The following ZBTB41 variants were observed in gnomAD, a reference collection of about 807,000 sequenced individuals.
ZBTB41 encodes the protein zinc finger and BTB domain containing 41, also known as zinc finger and BTB domain-containing protein 41.
In ZBTB41, 42 loss-of-function variants were observed where a neutral mutation model predicts 87.6. The observed-to-expected ratio is 0.48, with a 90% CI of 0.37 to 0.62. The LOEUF is 0.62. Among genes scored for constraint, ZBTB41 ranks in the 20% least tolerant of loss-of-function variants. ZBTB41 has a pLI of 0.00. For missense variants in ZBTB41, 799 were observed against 1,078.9 expected, an observed-to-expected ratio of 0.74 and a Z score of 3.63; for synonymous variants, 364 against 364.0, an observed-to-expected ratio of 1.00 and a Z score of 0.00.
Position 197,154,037 on chromosome 1 carries a change from A to C in ZBTB41, c.*5322T>G, listed in dbSNP as rs571203631. ...TTACTACACAATGTGGAACAGCTAAATGCCCAGTTTTGTATTATTTTCTGG... is the reference window on the plus strand; with the variant it reads ...TTACTACACAATGTGGAACAGCTAACTGCCCAGTTTTGTATTATTTTCTGG... On this transcript the variant is annotated 3_prime_UTR_variant, in exon 11 of 11. Coordinates refer to ENST00000367405, the MANE Select transcript of ZBTB41 (RefSeq NM_194314.3). 1 of 152,688 alleles carries C rather than the reference A, an allele frequency of 6.5e-6. No individual in the cohort carries two copies. Among genetic ancestry groups the C allele is most frequent in the South Asian group, 2.1e-4 (1 of 4,822 alleles). 9.5% of individuals were successfully genotyped at this position (152,688 alleles called of 1,614,324 possible). A position where few individuals can be genotyped will look rare whatever the true frequency, so the allele number is the denominator to read the frequency against.
chr1:197,194,003 T>G (rs1285033394), intron 2 of ZBTB41, among the ~76,000 whole-genome samples: 1 of 152,094 alleles, frequency 6.6e-6, no homozygotes, highest in Non-Finnish European at 1.5e-5. Flanking sequence ...AACCTCCTAA[T>G]GCTTAAATCT....
intron 4 of ZBTB41, among the ~76,000 whole-genome samples, chr1:197,188,690 T>C (rs905801682): frequency 1.3e-5 from 2 of 152,192 alleles, no homozygotes; most frequent in Non-Finnish European, 2.9e-5. Flanking sequence ...TACAGAATAA[T>C]CATACTATCT....
At chr1:197,188,207 A>G (rs1423434643) in intron 5 of ZBTB41, 85 bp downstream of exon 5, 1 of 1,474,764 alleles carries the variant, frequency 6.8e-7, no homozygotes, top group African/African-American at 1.4e-5. Context: ...GAAGAAAAAG[A>G]GTAATTCAGC....
At chr1:197,185,592 C>CA (rs796880990) in intron 5 of ZBTB41, among the ~76,000 whole-genome samples, 1,883 of 138,316 alleles carry the variant, frequency 0.014, 25 homozygotes, top group African/African-American at 0.033. Flanking sequence ...CATTTGTCAC[C>CA]AAAAAAAAAA....
In ZBTB41 at chr1:197,155,545, T is replaced by C. The variant is rs1659045315; in HGVS notation, c.*3814A>G. ...ACATTTCATCACTGATATATGAGAG[T>C]GATATGGTAGGAAGAAAACTCAAGC... On this transcript the variant is annotated 3_prime_UTR_variant, in exon 11 of 11. Transcript: ENST00000367405. 1 of 152,098 alleles carries C rather than the reference T, an allele frequency of 6.6e-6. No homozygotes were observed. The highest frequency in any genetic ancestry group is 1.5e-5 in the Non-Finnish European group (1 of 67,764). The allele number at this position is 152,098 out of a possible 1,614,324, so 9.4% of individuals were successfully genotyped here.
At chr1:197,193,219 A>G (rs1041008018) in intron 2 of ZBTB41, among the ~76,000 whole-genome samples, 13 of 152,118 alleles carry the variant, frequency 8.5e-5, no homozygotes, top group Non-Finnish European at 1.9e-4. Flanking sequence ...AAATACGTTA[A>G]CAAATACACA....
Position 197,200,370 on chromosome 1 carries a change from G to A in ZBTB41, c.104C>T (p.Thr35Ile). The A allele has an allele frequency of 6.2e-7, 1 of 1,614,106 alleles. No homozygotes were observed. Residue 35 changes from threonine to isoleucine, a missense_variant, in exon 2 of 11, where the codon ACC becomes ATC. Transcript: ENST00000367405. ...TGGTCTTCCTGCAGAATGAGTATAG[G>A]TCACTTGGTCACACTCCACTGCAAC... Reference protein sequence around the residue: ...GNVAVECDQVTYTHSAGRPTP... With the variant: ...GNVAVECDQVIYTHSAGRPTP...
intron 2 of ZBTB41, among the ~76,000 whole-genome samples, chr1:197,197,259 A>C (rs1418531357): frequency 6.6e-6 from 1 of 151,996 alleles, no homozygotes; most frequent in Non-Finnish European, 1.5e-5. Context: ...ACAGGATTCC[A>C]AAAAAACCAA....
In ZBTB41 at chr1:197,200,345, T is replaced by C. The variant is rs758860660; in HGVS notation, c.129A>G (p.Pro43=). ...GGTAACAGTGAAGAGCTTCAGGAGT[T>C]GGTCTTCCTGCAGAATGAGTATAGG... is the stretch of plus-strand genomic sequence containing the variant. ...QVTYTHSAGR[P]TPEALHCYQE... Residue 43 remains proline, a synonymous_variant, in exon 2 of 11, where the codon CCA becomes CCG. Coordinates refer to ENST00000367405, the MANE Select transcript of ZBTB41 (RefSeq NM_194314.3). 8.1e-6 allele frequency: 13 copies of C among 1,614,052 alleles called. No homozygotes were observed. In the Admixed American group the frequency reaches 2.0e-4, roughly 25 times the overall value.
In ZBTB41 at chr1:197,156,453, A is replaced by G. The variant is rs1279618101; in HGVS notation, c.*2906T>C. On this transcript the variant is annotated 3_prime_UTR_variant, in exon 11 of 11. Coordinates refer to ENST00000367405, the MANE Select transcript of ZBTB41 (RefSeq NM_194314.3). ...TTTAAAACAATAAATTATGCTCACAAAATAAAAAAATTCTGAATGAGGCTA... is the reference window on the plus strand; with the variant it reads ...TTTAAAACAATAAATTATGCTCACAGAATAAAAAAATTCTGAATGAGGCTA... 6.6e-6 allele frequency: 1 copy of G among 152,258 alleles called. No homozygotes were observed. The highest frequency in any genetic ancestry group is 1.5e-5 in the Non-Finnish European group (1 of 67,776). The allele number at this position is 152,258 out of a possible 1,614,324, so 9.4% of individuals were successfully genotyped here.
intron 10 of ZBTB41, among the ~76,000 whole-genome samples, chr1:197,168,949 T>C (rs1659413403): frequency 6.6e-6 from 1 of 151,888 alleles, no homozygotes; most frequent in Non-Finnish European, 1.5e-5. Flanking sequence ...TACACAAAAG[T>C]AGATATCCAA....
rs141183474 is a variant in ZBTB41, at chr1:197,189,270, C to G, written c.1399-831G>C. On this transcript the variant is annotated intron_variant, in intron 4 of 10. Transcript: ENST00000367405. ...GGCACAGCAGCTCACCCCTGTAATC[C>G]CGGGAAGCACTTTGGGAGGCCGAGA... 5.9e-3 allele frequency among the ~76,000 whole-genome samples: 891 copies of G among 152,106 alleles called. 12 individuals carry two copies. Among genetic ancestry groups the G allele is most frequent in the African/African-American group, 0.021 (855 of 41,468 alleles).
rs747685455 is a variant in ZBTB41, at chr1:197,159,704, G to C, written c.2385C>G (p.Ala795=). The stretch of plus-strand genomic sequence containing the variant: ...CAGATACATTCTGTAACATCGTCTT[G>C]GCTTCCGACTGATAAACTTTGGGCT... ...MDQPKVYQSE[A]KTMLQNVSAE... is the part of the protein sequence containing the mutation. Residue 795 remains alanine (A), a synonymous_variant, in exon 11 of 11, where the codon GCC becomes GCG. Transcript: ENST00000367405. 21 of 1,613,852 alleles carry C rather than the reference G, an allele frequency of 1.3e-5. No individual in the cohort carries two copies. The highest frequency in any genetic ancestry group is 1.6e-5 in the Non-Finnish European group (19 of 1,179,916).
At position 197,190,840 on chromosome 1, in the gene ZBTB41, G is replaced by T; in HGVS notation, c.1329-9C>A. On this transcript the variant is annotated splice_polypyrimidine_tract_variant and intron_variant, in intron 3 of 10. Coordinates refer to ENST00000367405, the MANE Select transcript of ZBTB41 (RefSeq NM_194314.3). The stretch of plus-strand genomic sequence containing the variant: ...CATTTTCAGGATGAAATCTATCAGA[G>T]GAAAAGAAAAAGATTATTAGGAAAA... The T allele has an allele frequency of 6.5e-7, 1 of 1,539,774 alleles. No homozygotes were observed.
At chr1:197,192,632 A>T (rs1046350032) in intron 2 of ZBTB41, among the ~76,000 whole-genome samples, 1 of 152,184 alleles carries the variant, frequency 6.6e-6, no homozygotes, top group African/African-American at 2.4e-5. Context: ...TAGGAAAATA[A>T]ATCAACATGA....
chr1:197,166,070 TAAGTAC>T (rs1475835665), intron 10 of ZBTB41, among the ~76,000 whole-genome samples: 1 of 152,036 alleles, frequency 6.6e-6, no homozygotes, highest in Admixed American at 6.5e-5. Flanking sequence ...AGGGATAGCA[TAAGTAC>T]AAATACCTGA....
At chr1:197,198,822 A>C (rs1005132620) in intron 2 of ZBTB41, among the ~76,000 whole-genome samples, 1 of 152,140 alleles carries the variant, frequency 6.6e-6, no homozygotes, top group African/African-American at 2.4e-5. Flanking sequence ...TACTACCTAA[A>C]GTCTCTATCT....
chr1:197,174,178 A>T (rs901484587), intron 9 of ZBTB41, among the ~76,000 whole-genome samples: 1 of 152,116 alleles, frequency 6.6e-6, no homozygotes, highest in Non-Finnish European at 1.5e-5. Flanking sequence ...AGCCATACAG[A>T]TTTTCAAGGA....
intron 7 of ZBTB41, 56 bp from the exon 8 acceptor site, chr1:197,176,726 C>T (rs1223854033): frequency 1.6e-6 from 2 of 1,219,658 alleles, no homozygotes; most frequent in African/African-American, 1.5e-5. Context: ...AAGGAAAAAG[C>T]TCAATAATGA....
Sources: gnomAD v4.1 joint callset for allele counts (sites outside exome capture counted in the v4.1 genomes callset) on GRCh38, gnomAD v4.1.1 for gene constraint, MANE v1.5 for transcripts, NCBI Gene and HGNC (gene_info 2026-07-23, HGNC 2026-07-21) for gene names.